The following PTER variants were observed in gnomAD, a reference collection of about 807,000 sequenced individuals.
PTER encodes the protein N-acetyltaurine hydrolase.
Under a neutral mutation model 29.6 loss-of-function variants are expected in PTER, and 38 were observed. The ratio of observed to expected loss-of-function variants is 1.28; its 90% confidence interval spans 0.99 to 1.68. PTER has a LOEUF of 1.68. Among genes scored for constraint, PTER ranks in the 40% most tolerant of loss-of-function variants. The probability of loss-of-function intolerance (pLI) is 0.00; values close to 1 mark genes in which losing one functional copy is unlikely to be tolerated. For missense variants in PTER, 482 were observed against 427.8 expected (o/e 1.13, Z -1.12); for synonymous variants, 172 against 154.5 (o/e 1.11, Z -0.84).
Position 16,442,062 on chromosome 10 carries a change from G to A in PTER, c.-49+5015G>A, listed in dbSNP as rs186567990. 1.5e-3 allele frequency among the ~76,000 whole-genome samples: 232 copies of A among 152,114 alleles called. 2 individuals are homozygous for A. Among genetic ancestry groups the A allele is most frequent in the African/African-American group, 5.4e-3 (226 of 41,480 alleles). ...CAGTGGCTTAATTGGGTAATTATTT[G>A]GTGTGTGAAGAGCACTTTGAAGAGA... On this transcript the variant is annotated intron_variant, in intron 1 of 4. Coordinates refer to ENST00000535784, the MANE Select transcript of PTER (RefSeq NM_001261836.2).
rs186773078 is a variant in PTER, at chr10:16,503,423, G to A, written c.699-1597G>A. On this transcript the variant is annotated intron_variant, in intron 3 of 4. Transcript: ENST00000535784. Reference sequence around the variant, plus strand: ...TGTTTTGTTTTTGTTTTTGTCTTTTGAGACAGAGTCTCACTCTGTTGCCCA... The same window carrying A: ...TGTTTTGTTTTTGTTTTTGTCTTTTAAGACAGAGTCTCACTCTGTTGCCCA... Among the ~76,000 whole-genome samples, 339 of 151,404 alleles carry A rather than the reference G, an allele frequency of 2.2e-3. 12 individuals carry two copies. Among genetic ancestry groups the A allele is most frequent in the Admixed American group, 0.022 (335 of 15,190 alleles).
chr10:16,479,399 G>A (rs1835395414), intron 1 of PTER, among the ~76,000 whole-genome samples: 2 of 151,916 alleles, frequency 1.3e-5, no homozygotes, highest in African/African-American at 2.4e-5. Context: ...TGTCACCGTT[G>A]GTCAGTGTCC....
At chr10:16,497,518 T>C (rs1005365729) in intron 3 of PTER, among the ~76,000 whole-genome samples, 2 of 152,232 alleles carry the variant, frequency 1.3e-5, no homozygotes, top group Admixed American at 6.5e-5. Flanking sequence ...AGATAGCTGA[T>C]AGTAGATGTT....
At chr10:16,497,413 G>C (rs913393644) in intron 3 of PTER, among the ~76,000 whole-genome samples, 1 of 152,132 alleles carries the variant, frequency 6.6e-6, no homozygotes. Flanking sequence ...ATAATTATTA[G>C]CTTAAACATC....
chr10:16,459,868 C>T (rs1359319709), intron 1 of PTER, among the ~76,000 whole-genome samples: 1 of 152,202 alleles, frequency 6.6e-6, no homozygotes, highest in Non-Finnish European at 1.5e-5. Context: ...CTGCCTCAGC[C>T]TCCTGAGTGG....
At chr10:16,516,047 A>G (rs768343804), downstream of PTER, among the ~76,000 whole-genome samples, 17 of 152,154 alleles carry the variant, frequency 1.1e-4, no homozygotes, top group Non-Finnish European at 2.2e-4. Context: ...TGAAATGTTA[A>G]AAAAAGAAGA....
intron 1 of PTER, among the ~76,000 whole-genome samples, chr10:16,453,007 C>T (rs986991351): frequency 1.3e-5 from 2 of 152,148 alleles, no homozygotes; most frequent in African/African-American, 4.8e-5. Context: ...GCCTCAGCCT[C>T]CCAAATTACT....
chr10:16,443,749 C>A (rs948529524), intron 1 of PTER, among the ~76,000 whole-genome samples: 1 of 152,178 alleles, frequency 6.6e-6, no homozygotes, highest in Non-Finnish European at 1.5e-5. Flanking sequence ...TGTAACAACT[C>A]GCACATATTT....
At chr10:16,508,648 G>A (rs1035670068) in intron 4 of PTER, among the ~76,000 whole-genome samples, 1 of 151,890 alleles carries the variant, frequency 6.6e-6, no homozygotes, top group African/African-American at 2.4e-5. Context: ...TATTCTGGAT[G>A]TATGGAAATA....
At chr10:16,483,133 G>A (rs181444960) in intron 1 of PTER, among the ~76,000 whole-genome samples, 218 of 152,206 alleles carry the variant, frequency 1.4e-3, no homozygotes, top group Middle Eastern at 3.4e-3. Flanking sequence ...TACTTTTAAA[G>A]GAAAGTACTG....
intron 1 of PTER, among the ~76,000 whole-genome samples, chr10:16,462,696 G>A (rs1276468146): frequency 1.3e-5 from 2 of 151,056 alleles, no homozygotes; most frequent in African/African-American, 4.9e-5. Flanking sequence ...TCAGCCTCCT[G>A]AGTAGCTGGG....
chr10:16,451,240 C>A (rs1022508284), intron 1 of PTER, among the ~76,000 whole-genome samples: 3 of 152,194 alleles, frequency 2.0e-5, no homozygotes, highest in African/African-American at 7.2e-5. Flanking sequence ...GCTGCACTGG[C>A]AGCTGATTAG....
intron 1 of PTER, among the ~76,000 whole-genome samples, chr10:16,483,838 C>G (rs980491135): frequency 2.6e-5 from 4 of 151,890 alleles, no homozygotes; most frequent in Non-Finnish European, 5.9e-5. Context: ...GGCAACAGAG[C>G]AAGACTCTCC....
In PTER at chr10:16,477,270, AG is replaced by A. The variant is rs1564397287; in HGVS notation, c.-48-7066del. Among the ~76,000 whole-genome samples the A allele has an allele frequency of 2.2e-4, 31 of 138,958 alleles. 1 individual carries two copies. The highest frequency in any genetic ancestry group is 1.6e-4 in the Non-Finnish European group (11 of 66,804). 91.2% of individuals were successfully genotyped at this position (138,958 alleles called of 152,430 possible). The stretch of plus-strand genomic sequence containing the variant: ...TCATTCTGTCTTTCGATAGATAGAT[AG>A]ATAGATAGATAGATAGATAGATAGA... On this transcript the variant is annotated intron_variant, in intron 1 of 4. Transcript: ENST00000535784.
intron 1 of PTER, among the ~76,000 whole-genome samples, chr10:16,466,300 CT>C (rs11308230): frequency 0.53 from 76,969 of 146,220 alleles, 20,222 homozygotes; most frequent in Middle Eastern, 0.7. Context: ...TTATAACTAC[CT>C]TTTTTTTTTT....
At chr10:16,484,904 GGCAT>G in intron 2 of PTER, 88 bp downstream of exon 2, 1 of 1,382,978 alleles carries the variant, frequency 7.2e-7, no homozygotes, top group Non-Finnish European at 9.6e-7. Flanking sequence ...GAGGTAGCTG[GGCAT>G]GCTACGGAAA....
downstream of PTER, chr10:16,514,076 C>A: frequency 2.7e-6 from 1 of 372,656 alleles, no homozygotes; most frequent in Non-Finnish European, 4.8e-6. Flanking sequence ...TAGACCTTCT[C>A]CTGCAGGGCA....
intron 3 of PTER, among the ~76,000 whole-genome samples, chr10:16,492,566 A>G (rs1276842256): frequency 6.6e-6 from 1 of 152,224 alleles, no homozygotes; most frequent in Non-Finnish European, 1.5e-5. Flanking sequence ...TTATGACGAC[A>G]AAATTCTTTA....
intron 3 of PTER, among the ~76,000 whole-genome samples, chr10:16,495,054 A>T (rs527750426): frequency 6.6e-6 from 1 of 152,268 alleles, no homozygotes; most frequent in African/African-American, 2.4e-5. Context: ...TAATTATTTT[A>T]AGTAGTTGTT....
Sources: allele counts gnomAD v4.1 joint callset (sites outside exome capture counted in the v4.1 genomes callset), GRCh38; gene constraint gnomAD v4.1.1; transcripts MANE v1.5; gene names NCBI Gene and HGNC (gene_info 2026-07-23, HGNC 2026-07-21).